The following MACF1 variants were observed in gnomAD, a reference collection of about 807,000 sequenced individuals.
The protein encoded by MACF1 is microtubule actin crosslinking factor 1.
MACF1 carries 193 observed loss-of-function variants against 854.8 expected under a neutral mutation model. That is an observed-to-expected ratio of 0.23 (90% CI 0.20 to 0.25). MACF1 has a LOEUF of 0.25. MACF1 is among the 10% of genes least tolerant of loss of function. The pLI, the probability that MACF1 is intolerant of heterozygous loss-of-function variation, is 1.00. For missense variants in MACF1, 7,722 were observed against 8,929.1 expected, an observed-to-expected ratio of 0.86 and a Z score of 5.45; for synonymous variants, 3,185 against 3,226.7, an observed-to-expected ratio of 0.99 and a Z score of 0.44.
intron 20 of MACF1, 72 bp downstream of exon 20, chr1:39,295,954 C>T (rs1645891253): frequency 4.6e-6 from 6 of 1,297,382 alleles, no homozygotes; most frequent in Admixed American, 4.0e-5. Flanking sequence ...AACACATCTG[C>T]GTTAGTGTGC....
intron 23 of MACF1, chr1:39,304,156 C>G: frequency 6.9e-6 from 1 of 144,356 alleles, no homozygotes; most frequent in Non-Finnish European, 1.4e-5. Context: ...TCTCCTAATG[C>G]TATCCCTCCC....
chr1:39,190,014 C>G (rs549682406), intron 2 of MACF1, among the ~76,000 whole-genome samples: 9 of 152,112 alleles, frequency 5.9e-5, no homozygotes, highest in Admixed American at 3.3e-4. Flanking sequence ...GTAAACAGAT[C>G]CAGTGTAGTT....
intron 58 of MACF1, chr1:39,412,134 G>C (rs762833536): frequency 1.2e-6 from 2 of 1,614,010 alleles, no homozygotes; most frequent in Non-Finnish European, 1.7e-6. Flanking sequence ...TTGCTTCTGA[G>C]CTGGCCAAAG....
At chr1:39,363,767 G>A (rs996882830) in intron 49 of MACF1, among the ~76,000 whole-genome samples, 4 of 151,730 alleles carry the variant, frequency 2.6e-5, no homozygotes, top group African/African-American at 9.7e-5. Flanking sequence ...TGCCTGCCAC[G>A]ATGCCTGGGT....
At chr1:39,240,270 A>G (rs1644907125) in intron 2 of MACF1, among the ~76,000 whole-genome samples, 1 of 152,232 alleles carries the variant, frequency 6.6e-6, no homozygotes, top group Non-Finnish European at 1.5e-5. Context: ...AAATTGACAA[A>G]GTAGTGCTGG....
chr1:39,370,314 T>C, intron 51 of MACF1, 128 bp downstream of exon 51: 1 of 795,662 alleles, frequency 1.3e-6, no homozygotes, highest in Non-Finnish European at 1.9e-6. Flanking sequence ...AGAACAGAAA[T>C]TCCTACGTTT....
At chr1:39,322,201 T>C (rs935318932) in intron 31 of MACF1, among the ~76,000 whole-genome samples, 3 of 152,208 alleles carry the variant, frequency 2.0e-5, no homozygotes, top group African/African-American at 7.2e-5. Flanking sequence ...ATGAAAGGGT[T>C]GGTCAGACTG....
intron 6 of MACF1, chr1:39,268,725 G>C (rs1209983502): frequency 1.6e-6 from 2 of 1,285,496 alleles, no homozygotes; most frequent in Non-Finnish European, 2.0e-6. Flanking sequence ...CTGTTTTAAG[G>C]AGCCGAAAGA....
chr1:39,452,841 C>T, intron 87 of MACF1, 29 bp downstream of exon 87: 2 of 1,609,788 alleles, frequency 1.2e-6, no homozygotes, highest in Non-Finnish European at 1.7e-6. Context: ...TTGGTGACCT[C>T]ATGCTACCTA....
In MACF1 at chr1:39,123,195, A is replaced by G. The variant is rs1009821185; in HGVS notation, c.220+38757A>G. Among the ~76,000 whole-genome samples, 4 of 133,424 alleles carry G rather than the reference A, an allele frequency of 3.0e-5. No individual in the cohort carries two copies. In the Admixed American group the frequency reaches 3.8e-4, roughly 13 times the overall value. 87.5% of individuals were successfully genotyped at this position (133,424 alleles called of 152,430 possible). ...ATCTGATAGCTTGTTAGATACATAT[A>G]TATATAAATTTTTTTTTTTTTTTTT... On this transcript the variant is annotated intron_variant, in intron 2 of 93. Transcript: ENST00000361689.
chr1:39,193,333 G>A (rs1288100422), intron 2 of MACF1, among the ~76,000 whole-genome samples: 4 of 151,862 alleles, frequency 2.6e-5, no homozygotes, highest in Admixed American at 2.0e-4. Context: ...ACTTAAAATG[G>A]TAATATGGCT....
Position 39,334,989 on chromosome 1 carries a change from G to A in MACF1, c.8401G>A (p.Ala2801Thr). ...TATGTTAATTGCTTGTAATCAGACT[G>A]CTGAAATGAGTTGTAATAAAGTAGA... ...KDMLIACNQT[A>T]EMSCNKVEES... is the part of the protein sequence containing the mutation. The change falls in exon 37 of 101, where the codon GCT becomes ACT. Residue 2801 changes from alanine (A) to threonine (T), a missense_variant. Ala to Thr is a moderately conservative substitution (Grantham distance 58). This residue lies in a region of MACF1 where 1,531 missense variants were observed against 1,601.6 expected (regional missense o/e 0.96). Coordinates refer to ENST00000564288, the MANE Select transcript of MACF1 (RefSeq NM_001394062.1). The A allele has an allele frequency of 6.2e-7, 1 of 1,614,106 alleles. No individual in the cohort carries two copies. Among genetic ancestry groups the A allele is most frequent in the South Asian group, 1.1e-5 (1 of 91,082 alleles).
intron 2 of MACF1, among the ~76,000 whole-genome samples, chr1:39,193,228 T>G (rs1185665711): frequency 2.0e-5 from 3 of 152,162 alleles, no homozygotes; most frequent in Non-Finnish European, 4.4e-5. Context: ...TCTCCATTTC[T>G]TTAAGATGTT....
At chr1:39,208,347 G>A (rs1418718479) in intron 1 of MACF1, among the ~76,000 whole-genome samples, 4 of 151,972 alleles carry the variant, frequency 2.6e-5, no homozygotes, top group Admixed American at 6.6e-5. Flanking sequence ...TGAAATACGA[G>A]TTCCTATTCT....
chr1:39,471,017 A>G (rs1423500214), intron 97 of MACF1, among the ~76,000 whole-genome samples: 1 of 152,200 alleles, frequency 6.6e-6, no homozygotes, highest in Admixed American at 6.5e-5. Context: ...GCTATTTTCT[A>G]TGAAAGCTAG....
intron 1 of MACF1, chr1:39,215,362 C>T (rs1372355355): frequency 1.3e-5 from 2 of 152,448 alleles, no homozygotes; most frequent in Non-Finnish European, 2.9e-5. Context: ...ACAGGGGCGC[C>T]ATGTGGCCGA....
At chr1:39,202,589 C>G (rs1313262716), upstream of MACF1, among the ~76,000 whole-genome samples, 1 of 151,602 alleles carries the variant, frequency 6.6e-6, no homozygotes, top group Non-Finnish European at 1.5e-5. Context: ...GAGCCAAGAT[C>G]ATGCCACTGC....
rs372278096 is a variant in MACF1, at chr1:39,385,800, G to C, written c.14215G>C (p.Glu4739Gln). Residue 4739 changes from glutamate to glutamine, a missense_variant, in exon 57 of 101, where the codon GAG becomes CAG. Glu to Gln is a conservative substitution (Grantham distance 29, BLOSUM62 2). This residue lies in a region of MACF1 where 2,807 missense variants were observed against 3,235.8 expected (regional missense o/e 0.87). Coordinates refer to ENST00000564288, the MANE Select transcript of MACF1 (RefSeq NM_001394062.1). ...IRSDLEQLDH[E>Q]VKEAQTLCDE... ...ATCTGACTTGGAGCAGTTAGACCAC[G>C]AGGTTAAGGAGGCTCAGACACTGTG... 1.4e-4 allele frequency: 224 copies of C among 1,614,054 alleles called. No homozygotes were observed. The highest frequency in any genetic ancestry group is 1.9e-4 in the Non-Finnish European group (220 of 1,180,042).
At chr1:39,233,477 G>A (rs1280389530) in intron 2 of MACF1, among the ~76,000 whole-genome samples, 5 of 152,266 alleles carry the variant, frequency 3.3e-5, no homozygotes, top group Non-Finnish European at 5.9e-5. Context: ...AACCCCTGAG[G>A]CCACATGATT....
Sources: allele counts gnomAD v4.1 joint callset (sites outside exome capture counted in the v4.1 genomes callset), GRCh38; gene constraint gnomAD v4.1.1; regional missense constraint gnomAD v4.1.1; transcripts MANE v1.5; gene names NCBI Gene and HGNC (gene_info 2026-07-23, HGNC 2026-07-21).